The following ANKS4B variants were observed in gnomAD, a reference collection of about 807,000 sequenced individuals.
The protein encoded by ANKS4B is ankyrin repeat and sterile alpha motif domain containing 4B, also known as ankyrin repeat and SAM domain-containing protein 4B.
Under a neutral mutation model 20.2 loss-of-function variants are expected in ANKS4B, and 21 were observed. The observed-to-expected ratio is 1.04, with a 90% CI of 0.74 to 1.50. The LOEUF is 1.50. ANKS4B is among the 40% of genes most tolerant of loss of function. The pLI, the probability that ANKS4B is intolerant of heterozygous loss-of-function variation, is 0.00. For synonymous variants in ANKS4B, 179 were observed against 194.5 expected (o/e 0.92, Z 0.66); for missense variants, 473 against 494.6 (o/e 0.96, Z 0.41).
chr16:21,234,807 TGA>T (rs1280328684), intron 1 of ANKS4B, among the ~76,000 whole-genome samples: 1 of 152,054 alleles, frequency 6.6e-6, no homozygotes, highest in African/African-American at 2.4e-5. Context: ...TGAGCAGATT[TGA>T]GAGGGGAAGA....
At chr16:21,248,799 T>C (rs1393454482) in intron 1 of ANKS4B, among the ~76,000 whole-genome samples, 5 of 152,192 alleles carry the variant, frequency 3.3e-5, no homozygotes, top group Non-Finnish European at 5.9e-5. Flanking sequence ...TCTCACTTTC[T>C]ACTTATTTTA....
At position 21,250,610 on chromosome 16, in the gene ANKS4B, G is replaced by A. The variant is rs763214302; in HGVS notation, c.1044G>A (p.Leu348=). ...AAGATGTGGTCGATGCCACGCCCCT[G>A]GAAGTGTTCTTGCTGTCTCAGCACC... ...WEEDVVDATP[L]EVFLLSQHLE... Residue 348 remains leucine (L), a synonymous_variant, in exon 2 of 2, where the codon CTG becomes CTA. Transcript: ENST00000311620. 2 of 1,613,974 alleles carry A rather than the reference G, an allele frequency of 1.2e-6. No homozygotes were observed. The highest frequency in any genetic ancestry group is 1.3e-5 in the African/African-American group (1 of 74,906).
At chr16:21,233,949 T>G (rs753328710) in intron 1 of ANKS4B, 48 bp downstream of exon 1, 10 of 1,550,056 alleles carry the variant, frequency 6.5e-6, no homozygotes, top group Non-Finnish European at 8.8e-6. Context: ...TCATGGTAGG[T>G]TTTTGCAGAC....
At chr16:21,237,617 C>T (rs1429099903) in intron 1 of ANKS4B, among the ~76,000 whole-genome samples, 1 of 151,676 alleles carries the variant, frequency 6.6e-6, no homozygotes, top group Non-Finnish European at 1.5e-5. Context: ...AGGCAAATTC[C>T]CTGTGTCAAG....
intron 1 of ANKS4B, among the ~76,000 whole-genome samples, chr16:21,243,694 C>T (rs2093329000): frequency 6.6e-6 from 1 of 152,116 alleles, no homozygotes; most frequent in Non-Finnish European, 1.5e-5. Flanking sequence ...GCCTCAGCCT[C>T]CCGAGTAGCT....
chr16:21,246,712 G>A (rs2093332810), intron 1 of ANKS4B, among the ~76,000 whole-genome samples: 1 of 152,166 alleles, frequency 6.6e-6, no homozygotes, highest in African/African-American at 2.4e-5. Flanking sequence ...TGGGAGACCA[G>A]CCTGATCCAA....
chr16:21,248,658 A>C (rs892676414), intron 1 of ANKS4B, among the ~76,000 whole-genome samples: 1 of 152,080 alleles, frequency 6.6e-6, no homozygotes, highest in Admixed American at 6.6e-5. Context: ...TGAACCTGGG[A>C]GGTGGAGGTT....
At chr16:21,237,073 T>G (rs1350726869) in intron 1 of ANKS4B, among the ~76,000 whole-genome samples, 1 of 152,074 alleles carries the variant, frequency 6.6e-6, no homozygotes, top group Non-Finnish European at 1.5e-5. Flanking sequence ...CAGGCTGGAG[T>G]GCAGTAGCGT....
intron 1 of ANKS4B, among the ~76,000 whole-genome samples, chr16:21,244,469 G>T (rs1567226298): frequency 6.6e-6 from 1 of 152,072 alleles, no homozygotes. Context: ...CCAGTCTATA[G>T]TCTTAAGCAT....
chr16:21,241,584 G>A (rs551548192), intron 1 of ANKS4B, among the ~76,000 whole-genome samples: 1 of 152,134 alleles, frequency 6.6e-6, no homozygotes, highest in East Asian at 1.9e-4. Context: ...CTTAATTTTT[G>A]TAGTTTTAGT....
At chr16:21,238,207 T>A (rs1445120368) in intron 1 of ANKS4B, among the ~76,000 whole-genome samples, 1 of 152,172 alleles carries the variant, frequency 6.6e-6, no homozygotes, top group Admixed American at 6.5e-5. Flanking sequence ...GATACACCAG[T>A]GTGGCTTTAA....
At chr16:21,236,962 G>T (rs567914775) in intron 1 of ANKS4B, among the ~76,000 whole-genome samples, 2 of 152,128 alleles carry the variant, frequency 1.3e-5, no homozygotes, top group African/African-American at 4.8e-5. Flanking sequence ...CACATAGTTT[G>T]TTTTCCCTAG....
chr16:21,237,349 G>A (rs2093321459), intron 1 of ANKS4B, among the ~76,000 whole-genome samples: 1 of 152,168 alleles, frequency 6.6e-6, no homozygotes, highest in Non-Finnish European at 1.5e-5. Flanking sequence ...ATTCTCCAAA[G>A]TGAAATTTCT....
In ANKS4B at chr16:21,249,802, A is replaced by G; in HGVS notation, c.236A>G (p.His79Arg). Residue 79 changes from histidine to arginine, a missense_variant, in exon 2 of 2, where the codon CAC (histidine) becomes CGC (arginine). By Grantham distance (29) the His-to-Arg change is conservative. Transcript: ENST00000311620. ...LHFAASNGHA[H>R]CVSFLVNFGA... ...TTTGCAGCCTCCAATGGCCATGCCC[A>G]CTGCGTCTCATTCCTGGTCAACTTT... The G allele has an allele frequency of 6.2e-7, 1 of 1,614,140 alleles. No individual in the cohort carries two copies. The highest frequency in any genetic ancestry group is 8.5e-7 in the Non-Finnish European group (1 of 1,180,034).
In ANKS4B at chr16:21,251,761, T is replaced by C. The variant is rs1290572416; in HGVS notation, c.*941T>C. 2 of 152,092 alleles carry C rather than the reference T, an allele frequency of 1.3e-5. No individual in the cohort carries two copies. Among genetic ancestry groups the C allele is most frequent in the Admixed American group, 6.6e-5 (1 of 15,258 alleles). 9.4% of individuals were successfully genotyped at this position (152,092 alleles called of 1,614,324 possible). On this transcript the variant is annotated 3_prime_UTR_variant, in exon 2 of 2. Coordinates refer to ENST00000311620, the MANE Select transcript of ANKS4B (RefSeq NM_145865.3). ...GTGGTGGGGAGAGTGAAGAAAGAGA[T>C]AGAATACAGGTGGTACCTGTTGTGG...
In ANKS4B at chr16:21,251,049, C is replaced by T; in HGVS notation, c.*229C>T. ...ACTTCATAACAAGAATCTGGCATTT[C>T]TCTTCAGTTATCTTATATGTACATA... On this transcript the variant is annotated 3_prime_UTR_variant, in exon 2 of 2. Coordinates refer to ENST00000311620, the MANE Select transcript of ANKS4B (RefSeq NM_145865.3). 1 of 511,194 alleles carries T rather than the reference C, an allele frequency of 2.0e-6. No individual in the cohort carries two copies. Among genetic ancestry groups the T allele is most frequent in the Non-Finnish European group, 3.4e-6 (1 of 293,932 alleles). 31.7% of individuals were successfully genotyped at this position (511,194 alleles called of 1,614,324 possible).
In ANKS4B at chr16:21,250,168, T is replaced by C; in HGVS notation, c.602T>C (p.Ile201Thr). 6.2e-7 allele frequency: 1 copy of C among 1,614,046 alleles called. No homozygotes were observed. Among genetic ancestry groups the C allele is most frequent in the Non-Finnish European group, 8.5e-7 (1 of 1,180,002 alleles). The change falls in exon 2 of 2, where the codon ATT (isoleucine) becomes ACT (threonine). Residue 201 changes from isoleucine (I) to threonine (T), a missense_variant. By Grantham distance (89) the Ile-to-Thr change is moderately conservative. Coordinates refer to ENST00000311620, the MANE Select transcript of ANKS4B (RefSeq NM_145865.3). ...ACATTCGGGTCACTATCTAAGGGCA[T>C]TAAAGACACTTTCAAGATCAAGTTC... ...PGTFGSLSKG[I>T]KDTFKIKFKK...
chr16:21,240,257 A>AT (rs2093324896), intron 1 of ANKS4B, among the ~76,000 whole-genome samples: 1 of 151,884 alleles, frequency 6.6e-6, no homozygotes, highest in African/African-American at 2.4e-5. Flanking sequence ...TCTTGGTTTT[A>AT]TTTTTTAAAA....
At chr16:21,241,013 C>T (rs969081671) in intron 1 of ANKS4B, among the ~76,000 whole-genome samples, 8 of 152,116 alleles carry the variant, frequency 5.3e-5, no homozygotes, top group South Asian at 2.1e-4. Flanking sequence ...AGGCCGGTCT[C>T]GAACTCCTGA....
Sources: allele counts gnomAD v4.1 joint callset (sites outside exome capture counted in the v4.1 genomes callset), GRCh38; gene constraint gnomAD v4.1.1; transcripts MANE v1.5; gene names NCBI Gene and HGNC (gene_info 2026-07-23, HGNC 2026-07-21).